Variants in FAR1 observed in about 807,000 individuals in gnomAD.
FAR1 encodes the protein fatty acyl-CoA reductase 1.
Under a neutral mutation model 61.1 loss-of-function variants are expected in FAR1, and 22 were observed. The ratio of observed to expected loss-of-function variants is 0.36; its 90% CI spans 0.26 to 0.51. The LOEUF (loss-of-function observed/expected upper bound fraction) is 0.51, where lower values mean the gene tolerates loss of function less well. Among genes scored for constraint, FAR1 ranks in the 20% least tolerant of loss-of-function variants. The probability of loss-of-function intolerance (pLI) is 0.95; values close to 1 mark genes in which losing one functional copy is unlikely to be tolerated. For missense variants in FAR1, 359 were observed against 626.9 expected (o/e 0.57, Z 4.56); for synonymous variants, 206 against 209.7 (o/e 0.98, Z 0.15).
Position 13,694,732 on chromosome 11 carries a change from A to G in FAR1, c.-7-27A>G, listed in dbSNP as rs372922085. 120 of 1,561,622 alleles carry G rather than the reference A, an allele frequency of 7.7e-5. No homozygotes were observed. The African/African-American group carries it at 1.5e-3, about 19-fold the overall frequency. On this transcript the variant is annotated intron_variant, in intron 1 of 11. Coordinates refer to ENST00000354817, the MANE Select transcript of FAR1 (RefSeq NM_032228.6). Reference sequence around the variant, plus strand: ...AAGAATGATGGTGAATCCTTAAACTAATGCTTATTTGCCATGTTTTTCTTA... The same window carrying G: ...AAGAATGATGGTGAATCCTTAAACTGATGCTTATTTGCCATGTTTTTCTTA...
chr11:13,694,076 T>G (rs1035324538), intron 1 of FAR1, among the ~76,000 whole-genome samples: 4 of 152,218 alleles, frequency 2.6e-5, no homozygotes, highest in African/African-American at 9.7e-5. Context: ...AATACATGAA[T>G]TCTTCTGCAC....
chr11:13,671,432 A>C (rs1848003029), intron 1 of FAR1, among the ~76,000 whole-genome samples: 1 of 152,212 alleles, frequency 6.6e-6, no homozygotes, highest in Non-Finnish European at 1.5e-5. Flanking sequence ...TGGTTAGGAG[A>C]GAAAATTAAC....
At chr11:13,675,152 A>G (rs994782745) in intron 1 of FAR1, among the ~76,000 whole-genome samples, 51 of 151,494 alleles carry the variant, frequency 3.4e-4, no homozygotes, top group African/African-American at 1.2e-3. Flanking sequence ...ATATAAATAT[A>G]TTTTGAGACT....
chr11:13,720,739 T>C (rs1290360445), intron 9 of FAR1: 2 of 152,100 alleles, frequency 1.3e-5, no homozygotes, highest in African/African-American at 2.4e-5. Flanking sequence ...AACTACATGA[T>C]ACATATAATC....
rs957063133 is a variant in FAR1, at chr11:13,728,948, T to TAGTGAACAC, written c.*176_*184dup. On this transcript the variant is annotated 3_prime_UTR_variant, in exon 12 of 12. Transcript: ENST00000354817. ...TTTTAATGTTTATGCTCATAAAACT[T>TAGTGAACAC]AGTGAACACACTGTGTTATGCCAGC... 2 of 567,430 alleles carry TAGTGAACAC rather than the reference T, an allele frequency of 3.5e-6. No homozygotes were observed. Among genetic ancestry groups the TAGTGAACAC allele is most frequent in the African/African-American group, 1.9e-5 (1 of 52,944 alleles). 35.1% of individuals were successfully genotyped at this position (567,430 alleles called of 1,614,324 possible).
At chr11:13,725,468 A>G (rs1489004336) in intron 10 of FAR1, among the ~76,000 whole-genome samples, 1 of 151,600 alleles carries the variant, frequency 6.6e-6, no homozygotes, top group Non-Finnish European at 1.5e-5. Context: ...AAGTAATCCT[A>G]TTGGAAAATA....
chr11:13,718,589 G>T (rs1848577965), intron 9 of FAR1, among the ~76,000 whole-genome samples: 1 of 152,148 alleles, frequency 6.6e-6, no homozygotes, highest in African/African-American at 2.4e-5. Flanking sequence ...CATGTTTTAG[G>T]TTTTTATTAT....
intron 9 of FAR1, among the ~76,000 whole-genome samples, chr11:13,717,853 G>A (rs1428570106): frequency 6.6e-6 from 1 of 151,998 alleles, no homozygotes; most frequent in Non-Finnish European, 1.5e-5. Flanking sequence ...TATAGGCTCT[G>A]GTTTGCTGAC....
chr11:13,679,284 T>G (rs767131911), intron 1 of FAR1, among the ~76,000 whole-genome samples: 1 of 152,144 alleles, frequency 6.6e-6, no homozygotes, highest in Non-Finnish European at 1.5e-5. Flanking sequence ...AACATTATTA[T>G]TAAGGTAAAA....
intron 1 of FAR1, chr11:13,686,689 A>G (rs547744781): frequency 1.4e-5 from 2 of 144,078 alleles, no homozygotes; most frequent in South Asian, 2.3e-4. Flanking sequence ...GAATACTCCA[A>G]TCTCTCCTTT....
At position 13,694,867 on chromosome 11, in the gene FAR1, T is replaced by G; in HGVS notation, c.102T>G (p.Cys34Trp). ...TTCTGGAAAAGTTGCTGAGGTCTTG[T>G]CCTAAGGTGAATTCAGTATATGTTT... ...KVLLEKLLRSCPKVNSVYVLV... is the reference protein window; with the variant it reads ...KVLLEKLLRSWPKVNSVYVLV... The change falls in exon 2 of 12, where the codon TGT becomes TGG. Residue 34 changes from cysteine to tryptophan, a missense_variant. This residue lies in a region of FAR1 where 344 missense variants were observed against 570.3 expected (regional missense o/e 0.60). Coordinates refer to ENST00000354817, the MANE Select transcript of FAR1 (RefSeq NM_032228.6). The G allele has an allele frequency of 6.2e-7, 1 of 1,614,050 alleles. No individual in the cohort carries two copies. The highest frequency in any genetic ancestry group is 1.1e-5 in the South Asian group (1 of 91,082).
At chr11:13,693,151 G>T (rs1848270950) in intron 1 of FAR1, among the ~76,000 whole-genome samples, 1 of 152,014 alleles carries the variant, frequency 6.6e-6, no homozygotes, top group Non-Finnish European at 1.5e-5. Flanking sequence ...ATTATCTTGG[G>T]CCACACATAA....
At chr11:13,726,020 G>A (rs1022852924) in intron 10 of FAR1, among the ~76,000 whole-genome samples, 3 of 151,572 alleles carry the variant, frequency 2.0e-5, no homozygotes, top group African/African-American at 7.3e-5. Flanking sequence ...GGTTTAGTAG[G>A]TTACTCTAGA....
chr11:13,670,438 A>G (rs1353794150), intron 1 of FAR1, among the ~76,000 whole-genome samples: 1 of 152,078 alleles, frequency 6.6e-6, no homozygotes, highest in African/African-American at 2.4e-5. Flanking sequence ...CTACAGAGAC[A>G]TGCCCCACCG....
chr11:13,692,434 G>GT (rs1848260189), intron 1 of FAR1, among the ~76,000 whole-genome samples: 1 of 152,126 alleles, frequency 6.6e-6, no homozygotes, highest in Non-Finnish European at 1.5e-5. Context: ...TGATAATTCT[G>GT]TTTAACTTTT....
chr11:13,719,317 G>A (rs542571170), intron 9 of FAR1, among the ~76,000 whole-genome samples: 14 of 152,224 alleles, frequency 9.2e-5, no homozygotes, highest in African/African-American at 3.4e-4. Flanking sequence ...AATGCAACAA[G>A]GAATATAAAG....
In FAR1 at chr11:13,730,993, A is replaced by C. The variant is rs1316947845; in HGVS notation, c.*2219A>C. On this transcript the variant is annotated 3_prime_UTR_variant, in exon 12 of 12. Coordinates refer to ENST00000354817, the MANE Select transcript of FAR1 (RefSeq NM_032228.6). ...AGAAATTATTTGTGTCATTTACTAG[A>C]CGTGATTTTTAGTTCTGTTTGATTA... 6.6e-6 allele frequency: 1 copy of C among 152,102 alleles called. No individual in the cohort carries two copies. The highest frequency in any genetic ancestry group is 1.5e-5 in the Non-Finnish European group (1 of 67,980). The allele number at this position is 152,102 out of a possible 1,614,324, so 9.4% of individuals were successfully genotyped here. A position where few individuals can be genotyped will look rare whatever the true frequency, so the allele number is the denominator to read the frequency against.
intron 1 of FAR1, among the ~76,000 whole-genome samples, chr11:13,689,450 TC>T (rs1189244090): frequency 3.3e-5 from 5 of 152,216 alleles, no homozygotes; most frequent in Non-Finnish European, 7.3e-5. Context: ...CTTTGTGAGA[TC>T]CCTCCACATG....
chr11:13,695,067 T>TAAAAAAA, intron 2 of FAR1, 113 bp downstream of exon 2: 1 of 808,678 alleles, frequency 1.2e-6, no homozygotes, highest in Non-Finnish European at 1.7e-6. Context: ...AAAAAATTAG[T>TAAAAAAA]AAAACAAAAA....
Sources: allele counts gnomAD v4.1 joint callset (sites outside exome capture counted in the v4.1 genomes callset), GRCh38; gene constraint gnomAD v4.1.1; regional missense constraint gnomAD v4.1.1; transcripts MANE v1.5; gene names NCBI Gene and HGNC (gene_info 2026-07-23, HGNC 2026-07-21).